TBC1D10A: variants seen among roughly 807,000 people sequenced by gnomAD.
TBC1D10A encodes TBC1 domain family member 10A, also known as EBP50-PDX interactor of 64 kDa.
In TBC1D10A, 24 loss-of-function variants were observed where a neutral mutation model predicts 52.9. The observed-to-expected ratio is 0.45, with a 90% CI of 0.33 to 0.64. TBC1D10A has a LOEUF of 0.64. Ranked by LOEUF, TBC1D10A falls within the 30% of genes least tolerant of loss-of-function variation. The probability of loss-of-function intolerance (pLI) is 0.02; values close to 1 mark genes in which losing one functional copy is unlikely to be tolerated. For synonymous variants in TBC1D10A, 278 were observed against 282.9 expected, an observed-to-expected ratio of 0.98 and a Z score of 0.17; for missense variants, 602 against 687.9, an observed-to-expected ratio of 0.88 and a Z score of 1.40.
chr22:30,304,096 G>T (rs1930262085), intron 2 of TBC1D10A, among the ~76,000 whole-genome samples: 3 of 152,208 alleles, frequency 2.0e-5, no homozygotes, highest in African/African-American at 4.8e-5. Context: ...GTAAAGTGGG[G>T]ATACTACTAT....
At chr22:30,294,744 G>C in intron 6 of TBC1D10A, 52 bp downstream of exon 6, 2 of 1,610,974 alleles carry the variant, frequency 1.2e-6, no homozygotes, top group Non-Finnish European at 8.5e-7. Flanking sequence ...GGCCTGGAGG[G>C]GCCACAGAGG....
rs1930442172 is a variant in TBC1D10A, at chr22:30,312,313, T to C, written c.210-7683A>G. 2.0e-5 allele frequency among the ~76,000 whole-genome samples: 3 copies of C among 152,208 alleles called. No individual in the cohort carries two copies. In the South Asian group the frequency reaches 6.2e-4, roughly 31 times the overall value. ...CACTGTTTATATAAGGCCCCTCCTC[T>C]GCCCAGACTCGTCCATGGCTCCCTA... On this transcript the variant is annotated intron_variant, in intron 1 of 8. Coordinates refer to ENST00000215790, the MANE Select transcript of TBC1D10A (RefSeq NM_031937.3).
intron 8 of TBC1D10A, chr22:30,293,158 C>T: frequency 3.1e-6 from 2 of 637,030 alleles, no homozygotes; most frequent in Non-Finnish European, 5.9e-6. Flanking sequence ...TCTCTGCCAA[C>T]CTGTCACCCA....
chr22:30,317,161 A>G (rs1300269415), intron 1 of TBC1D10A, among the ~76,000 whole-genome samples: 3 of 152,210 alleles, frequency 2.0e-5, no homozygotes, highest in South Asian at 2.1e-4. Context: ...TAATCCCAGC[A>G]TTTTGGAAGG....
At chr22:30,318,586 C>T (rs772687877) in intron 1 of TBC1D10A, 18 of 470,626 alleles carry the variant, frequency 3.8e-5, no homozygotes, top group Non-Finnish European at 7.1e-5. Flanking sequence ...CCTTGCTTCC[C>T]TGTAGCCAGA....
intron 1 of TBC1D10A, among the ~76,000 whole-genome samples, chr22:30,321,415 A>G (rs910392775): frequency 1.3e-5 from 2 of 152,256 alleles, no homozygotes; most frequent in African/African-American, 2.4e-5. Flanking sequence ...AGAATAAGGC[A>G]AGGAGTCAGA....
In TBC1D10A at chr22:30,293,706, T is replaced by A; in HGVS notation, c.995A>T (p.Glu332Val). 2.5e-6 allele frequency: 4 copies of A among 1,612,882 alleles called. No individual in the cohort carries two copies. Among genetic ancestry groups the A allele is most frequent in the Non-Finnish European group, 3.4e-6 (4 of 1,179,302 alleles). ...KACQGQYETI[E>V]RLRSLSPKIM... ...CTTGGGGCTGAGGCTCCGCAGTCGC[T>A]CGATGGTCTCGTACTGGCCCTGGCA... Residue 332 changes from glutamate to valine, a missense_variant, in exon 8 of 9, where the codon GAG (glutamate) becomes GTG (valine). Glu to Val is a moderately radical substitution (Grantham distance 121, BLOSUM62 -2). Coordinates refer to ENST00000215790, the MANE Select transcript of TBC1D10A (RefSeq NM_031937.3).
In TBC1D10A at chr22:30,326,733, A is replaced by G; in HGVS notation, c.149T>C (p.Phe50Ser). Residue 50 changes from phenylalanine (F) to serine (S), a missense_variant, in exon 1 of 9, where the codon TTC becomes TCC. This residue lies in a region of TBC1D10A where 201 missense variants were observed against 204.4 expected (regional missense o/e 0.98). Transcript: ENST00000215790. ...GAACTTGTCGATGCGGCGCTCGGCG[A>G]AGCCGTTGGCCTCCGAGTCAGACCC... ...SLGSDSEANG[F>S]AERRIDKFGF... 6.5e-7 allele frequency: 1 copy of G among 1,543,014 alleles called. No individual in the cohort carries two copies. The highest frequency in any genetic ancestry group is 8.7e-7 in the Non-Finnish European group (1 of 1,143,576).
chr22:30,299,966 A>G (rs1319033483), intron 2 of TBC1D10A, among the ~76,000 whole-genome samples: 2 of 143,542 alleles, frequency 1.4e-5, no homozygotes, highest in Non-Finnish European at 1.5e-5. Context: ...ACTCTGTCTC[A>G]AAAAAAAAAA....
chr22:30,292,050 C>A lies in TBC1D10A; in HGVS notation c.*325G>T, dbSNP rs1240608006. 1 of 315,138 alleles carries A rather than the reference C, an allele frequency of 3.2e-6. No individual in the cohort carries two copies. The allele number at this position is 315,138 out of a possible 1,614,324, so 19.5% of individuals were successfully genotyped here. A position where few individuals can be genotyped will look rare whatever the true frequency, so the allele number is the denominator to read the frequency against. ...ATGTTTCTATTTTACACAAAGAACA[C>A]CCCACCCTTTCCCCTCACACCAGCA... On this transcript the variant is annotated 3_prime_UTR_variant, in exon 9 of 9. Transcript: ENST00000215790.
intron 1 of TBC1D10A, chr22:30,318,949 A>G (rs1930594460): frequency 3.0e-6 from 1 of 335,370 alleles, no homozygotes; most frequent in Non-Finnish European, 5.9e-6. Flanking sequence ...AAGAGGCCTC[A>G]GCCTGACATT....
intron 1 of TBC1D10A, among the ~76,000 whole-genome samples, chr22:30,306,725 A>G (rs866495938): frequency 6.6e-6 from 1 of 152,230 alleles, no homozygotes; most frequent in Non-Finnish European, 1.5e-5. Context: ...GGCCATCTGA[A>G]TGGCTTTTCC....
At chr22:30,315,263 C>A (rs1930511601) in intron 1 of TBC1D10A, among the ~76,000 whole-genome samples, 2 of 152,184 alleles carry the variant, frequency 1.3e-5, no homozygotes, top group South Asian at 4.1e-4. Flanking sequence ...TGCTAAATGT[C>A]TGAGGTAAAA....
chr22:30,314,191 A>T (rs1279450922), intron 1 of TBC1D10A, among the ~76,000 whole-genome samples: 1 of 152,184 alleles, frequency 6.6e-6, no homozygotes, highest in African/African-American at 2.4e-5. Context: ...GGCCCTGCTC[A>T]TCTCTCCCTC....
At position 30,302,221 on chromosome 22, in the gene TBC1D10A, G is replaced by C. The variant is rs550079127; in HGVS notation, c.309+2310C>G. ...AGGGACCAGTAAGGATAAAGCATGG[G>C]AAAGTATTCCCAGAAACCACAGAGG... On this transcript the variant is annotated intron_variant, in intron 2 of 8. Transcript: ENST00000215790. Among the ~76,000 whole-genome samples, 7 of 152,306 alleles carry C rather than the reference G, an allele frequency of 4.6e-5. No homozygotes were observed. In the South Asian group the frequency reaches 1.4e-3, roughly 32 times the overall value.
intron 8 of TBC1D10A, chr22:30,293,389 G>A: frequency 1.4e-6 from 1 of 703,028 alleles, no homozygotes; most frequent in South Asian, 1.5e-5. Flanking sequence ...GGGGTACCAG[G>A]GAGGAAGACG....
Position 30,297,251 on chromosome 22 carries a change from G to A in TBC1D10A, c.418-1408C>T, listed in dbSNP as rs923920328. 6.6e-6 allele frequency: 1 copy of A among 152,352 alleles called. No homozygotes were observed. Among genetic ancestry groups the A allele is most frequent in the African/African-American group, 2.4e-5 (1 of 41,462 alleles). 9.4% of individuals were successfully genotyped at this position (152,352 alleles called of 1,614,324 possible). The stretch of plus-strand genomic sequence containing the variant: ...CCCTAGAGCAGGCACATAGCGGAGC[G>A]GTGGATGCGTGCCTCTGGGGCCCCA... On this transcript the variant is annotated intron_variant, in intron 3 of 8. Transcript: ENST00000215790. The surrounding 1 kb of genome is among the most constrained non-coding windows in gnomAD (Gnocchi z 4.3).
intron 8 of TBC1D10A, chr22:30,293,115 A>T (rs2145760181): frequency 1.6e-6 from 1 of 624,020 alleles, no homozygotes; most frequent in South Asian, 1.9e-5. Context: ...CTATGGGGCT[A>T]AAGGGGTAAG....
At chr22:30,309,025 G>T (rs1463905521) in intron 1 of TBC1D10A, among the ~76,000 whole-genome samples, 1 of 152,148 alleles carries the variant, frequency 6.6e-6, no homozygotes, top group African/African-American at 2.4e-5. Context: ...CCTGGGGAAG[G>T]CTGTGGGGAA....
Sources: gnomAD v4.1 joint callset for allele counts (sites outside exome capture counted in the v4.1 genomes callset) on GRCh38, gnomAD v4.1.1 for gene constraint, gnomAD v4.1.1 regional missense constraint, Gnocchi (gnomAD v3.1) non-coding constraint, MANE v1.5 for transcripts, NCBI Gene and HGNC (gene_info 2026-07-23, HGNC 2026-07-21) for gene names.